TJP1: variants seen among roughly 807,000 people sequenced by gnomAD.
The protein encoded by TJP1 is tight junction protein 1.
In TJP1, 43 loss-of-function variants were observed where a neutral mutation model predicts 194.2. The observed-to-expected ratio is 0.22, with a 90% confidence interval of 0.17 to 0.29. TJP1 has a LOEUF of 0.29. Ranked by LOEUF, TJP1 falls within the 10% of genes least tolerant of loss-of-function variation. TJP1 has a pLI of 1.00. For missense variants in TJP1, 1,971 were observed against 2,185.7 expected (o/e 0.90, Z 1.96); for synonymous variants, 801 against 779.0 (o/e 1.03, Z -0.47).
At chr15:29,837,250 T>C (rs764573276) in intron 2 of TJP1, among the ~76,000 whole-genome samples, 4 of 152,212 alleles carry the variant, frequency 2.6e-5, no homozygotes, top group Admixed American at 2.0e-4. Flanking sequence ...CTTTTAAATG[T>C]TTCTTTCTGT....
Position 29,898,022 on chromosome 15 carries a change from G to A in TJP1, c.306+58210C>T, listed in dbSNP as rs565275631. 3.7e-4 allele frequency among the ~76,000 whole-genome samples: 56 copies of A among 152,314 alleles called. 1 individual carries two copies. Among genetic ancestry groups the A allele is most frequent in the Non-Finnish European group, 6.5e-4 (44 of 68,020 alleles). ...ACTTTGGGGGACTGTCAAAAGGCAT[G>A]ATTGGTTTTGAAATGTAAGGACATG... On this transcript the variant is annotated intron_variant, in intron 2 of 28. Transcript: ENST00000356107.
At chr15:29,779,475 T>A (rs887031701) in intron 2 of TJP1, among the ~76,000 whole-genome samples, 16 of 152,206 alleles carry the variant, frequency 1.1e-4, no homozygotes, top group African/African-American at 3.9e-4. Context: ...CATCTCCTCA[T>A]TTGGCAGTCT....
chr15:29,951,360 G>T (rs2055745975), intron 2 of TJP1, among the ~76,000 whole-genome samples: 1 of 151,926 alleles, frequency 6.6e-6, no homozygotes, highest in South Asian at 2.1e-4. Flanking sequence ...TAGAGACAGG[G>T]TTTTACCAGG....
intron 2 of TJP1, among the ~76,000 whole-genome samples, chr15:29,949,855 CACA>C (rs1490466355): frequency 4.6e-5 from 3 of 65,256 alleles, no homozygotes; most frequent in Non-Finnish European, 5.5e-5. Flanking sequence ...CCACCACCTC[CACA>C]ACCACCACCT....
At chr15:29,742,934 AAT>A (rs2044520949) in intron 8 of TJP1, 153 bp from the exon 9 acceptor site, 3 of 588,624 alleles carry the variant, frequency 5.1e-6, no homozygotes, top group African/African-American at 1.9e-5. Context: ...AGTAATTAAA[AAT>A]AGAGCATTAC....
intron 2 of TJP1, among the ~76,000 whole-genome samples, chr15:29,853,256 AG>A (rs1435809171): frequency 6.6e-6 from 1 of 152,200 alleles, no homozygotes; most frequent in South Asian, 2.1e-4. Flanking sequence ...GGACCAGTAG[AG>A]GGGCTGGAGG....
rs533442474 is a variant in TJP1, at chr15:29,773,847, T to A, written c.85-490A>T. On this transcript the variant is annotated intron_variant, in intron 2 of 27. Transcript: ENST00000614355. ...CCAACTCCTAAAAATCTCTGTAGAA[T>A]ATAATGCCTTGTGCACACTATACAA... is the stretch of plus-strand genomic sequence containing the variant. Among the ~76,000 whole-genome samples the A allele has an allele frequency of 7.2e-5, 11 of 152,360 alleles. 2 individuals carry two copies. The East Asian group carries it at 1.9e-3, about 27-fold the overall frequency.
In TJP1 at chr15:29,762,187, G is replaced by A. The variant is rs558941939; in HGVS notation, c.693+148C>T. 114 of 609,880 alleles carry A rather than the reference G, an allele frequency of 1.9e-4. No homozygotes were observed. In the African/African-American group the frequency reaches 1.9e-3, roughly 10 times the overall value. The allele number at this position is 609,880 out of a possible 1,614,324, so 37.8% of individuals were successfully genotyped here. ...AGCATTGGTGTCGACATGTAATAAT[G>A]CATAAAGGGAATTTATATCCCTCTC... On this transcript the variant is annotated intron_variant, in intron 6 of 27. Coordinates refer to ENST00000614355, the MANE Select transcript of TJP1 (RefSeq NM_001330239.4).
At chr15:29,881,764 T>C (rs901711128) in intron 2 of TJP1, among the ~76,000 whole-genome samples, 4 of 152,088 alleles carry the variant, frequency 2.6e-5, no homozygotes, top group Non-Finnish European at 5.9e-5. Context: ...GACAAGGAGC[T>C]TTAAAAAGTG....
chr15:29,720,357 C>A lies in TJP1; in HGVS notation c.2763+1G>T. ...CAAAACGTTGAATGCTTGCTGCTTA[C>A]CTGTTGAGAGGCTGGCTTAAATCCA... On this transcript the variant is annotated splice_donor_variant, in intron 19 of 27. Transcript: ENST00000614355. LOFTEE classifies it high-confidence loss of function. The A allele has an allele frequency of 1.3e-6, 2 of 1,569,990 alleles. No homozygotes were observed. The highest frequency in any genetic ancestry group is 1.7e-6 in the Non-Finnish European group (2 of 1,159,296).
chr15:29,863,963 T>C (rs1167334472), intron 2 of TJP1, among the ~76,000 whole-genome samples: 1 of 152,162 alleles, frequency 6.6e-6, no homozygotes, highest in East Asian at 1.9e-4. Context: ...TCCAATTCTC[T>C]AGGAAGCAAA....
intron 2 of TJP1, among the ~76,000 whole-genome samples, chr15:29,788,212 C>T (rs1595894253): frequency 1.3e-5 from 2 of 152,254 alleles, no homozygotes; most frequent in East Asian, 3.9e-4. Context: ...AAACAAATCC[C>T]TTATCAGATG....
At chr15:29,894,221 A>G (rs552776813) in intron 2 of TJP1, among the ~76,000 whole-genome samples, 1 of 152,304 alleles carries the variant, frequency 6.6e-6, no homozygotes, top group South Asian at 2.1e-4. Flanking sequence ...CACCTTGGAA[A>G]GCTGAGGTGG....
At position 29,733,208 on chromosome 15, in the gene TJP1, T is replaced by A. The variant is rs750433225; in HGVS notation, c.1622A>T (p.Glu541Val). The change falls in exon 13 of 28, where the codon GAG (glutamate) becomes GTG (valine). Residue 541 changes from glutamate (E) to valine (V), a missense_variant. By Grantham distance (121) the Glu-to-Val change is moderately radical. Transcript: ENST00000614355. ...SPYGLSFNKG[E>V]VFRVVDTLYN... Reference sequence around the variant, plus strand: ...CAAGGTATCCACAACACGGAACACCTCTCCTTTGTTAAAACTAAGTCCATA... The same window carrying A: ...CAAGGTATCCACAACACGGAACACCACTCCTTTGTTAAAACTAAGTCCATA... The A allele has an allele frequency of 6.2e-7, 1 of 1,614,078 alleles. No individual in the cohort carries two copies. The highest frequency in any genetic ancestry group is 8.5e-7 in the Non-Finnish European group (1 of 1,179,974).
intron 2 of TJP1, among the ~76,000 whole-genome samples, chr15:29,796,350 AAC>A (rs1491199988): frequency 7.9e-5 from 12 of 151,602 alleles, no homozygotes; most frequent in African/African-American, 2.7e-4. Context: ...TAAAAAAAAA[AAC>A]AAAAAAAAAC....
In TJP1 at chr15:29,795,998, G is replaced by GA. The variant is rs1342268992; in HGVS notation, c.84+4647dup. ...TCTCTCAGTAAACTAAGATAAAAGG[G>GA]AACTTCCTCAATCTAACAAATGGCA... is the stretch of plus-strand genomic sequence containing the variant. On this transcript the variant is annotated intron_variant, in intron 2 of 27. Transcript: ENST00000614355. Among the ~76,000 whole-genome samples the GA allele has an allele frequency of 1.7e-4, 26 of 151,702 alleles. 1 individual carries two copies. Among genetic ancestry groups the GA allele is most frequent in the African/African-American group, 6.3e-4 (26 of 41,310 alleles).
chr15:29,726,360 G>A lies in TJP1; in HGVS notation c.2412+19C>T. The A allele has an allele frequency of 3.7e-6, 6 of 1,604,014 alleles. No homozygotes were observed. The highest frequency in any genetic ancestry group is 5.1e-6 in the Non-Finnish European group (6 of 1,171,326). On this transcript the variant is annotated intron_variant, in intron 18 of 27. Transcript: ENST00000614355. ...ATAATTTACTGAACAAGTCAAAAAA[G>A]TAATAGGAAATGTCTTACCTTTCCC...
chr15:29,930,043 C>G (rs1481993750), intron 2 of TJP1, among the ~76,000 whole-genome samples: 2 of 152,100 alleles, frequency 1.3e-5, no homozygotes, highest in African/African-American at 2.4e-5. Context: ...AAATGTAAAA[C>G]TTGAACAAAC....
chr15:29,713,378 T>C (rs1173120417), intron 23 of TJP1, among the ~76,000 whole-genome samples: 5 of 152,228 alleles, frequency 3.3e-5, no homozygotes, highest in Non-Finnish European at 2.9e-5. Context: ...TTTCCAGTTC[T>C]AATCCAGCTC....
Sources: allele counts gnomAD v4.1 joint callset (sites outside exome capture counted in the v4.1 genomes callset), GRCh38; gene constraint gnomAD v4.1.1; transcripts MANE v1.5; gene names NCBI Gene and HGNC (gene_info 2026-07-23, HGNC 2026-07-21).